KCNQ1: variants seen among roughly 807,000 people sequenced by gnomAD.
KCNQ1 encodes potassium voltage-gated channel subfamily Q member 1.
KCNQ1 carries 49 observed loss-of-function variants against 72.4 expected under a neutral mutation model. The observed-to-expected ratio is 0.68, with a 90% confidence interval of 0.54 to 0.86. The LOEUF is 0.86. KCNQ1 is among the 40% of genes least tolerant of loss of function. KCNQ1 has a pLI of 0.00. For missense variants in KCNQ1, 790 were observed against 945.1 expected, an observed-to-expected ratio of 0.84 and a Z score of 2.15; for synonymous variants, 450 against 412.6, an observed-to-expected ratio of 1.09 and a Z score of -1.10.
chr11:2,717,091 G>A (rs996730768), intron 11 of KCNQ1, among the ~76,000 whole-genome samples: 5 of 152,196 alleles, frequency 3.3e-5, no homozygotes, highest in African/African-American at 1.2e-4. Flanking sequence ...AGTGGCCGGG[G>A]CTCTGCTCAG....
At chr11:2,527,271 T>G (rs1408884025) in intron 1 of KCNQ1, among the ~76,000 whole-genome samples, 4 of 152,128 alleles carry the variant, frequency 2.6e-5, no homozygotes, top group Non-Finnish European at 4.4e-5. Flanking sequence ...GAGGCTCCTC[T>G]GGGAAGCAGA....
intron 1 of KCNQ1, among the ~76,000 whole-genome samples, chr11:2,511,237 G>A (rs1359220275): frequency 6.6e-6 from 1 of 152,260 alleles, no homozygotes; most frequent in African/African-American, 2.4e-5. Flanking sequence ...AGGAGGAGAC[G>A]TGGGGTGGGG....
chr11:2,778,361 G>A (rs1846751546), intron 15 of KCNQ1, among the ~76,000 whole-genome samples: 2 of 152,248 alleles, frequency 1.3e-5, no homozygotes, highest in Admixed American at 1.3e-4. Context: ...TGCTCTGCGA[G>A]CCTCCTGGCT....
At chr11:2,727,596 C>T (rs2283212) in intron 11 of KCNQ1, among the ~76,000 whole-genome samples, 38,526 of 152,112 alleles carry the variant, frequency 0.25, 5,562 homozygotes, top group African/African-American at 0.39. Context: ...GCAGACACCC[C>T]GGATCCGCTC....
chr11:2,833,664 G>T (rs1026230697), intron 15 of KCNQ1, among the ~76,000 whole-genome samples: 33 of 152,226 alleles, frequency 2.2e-4, no homozygotes, highest in African/African-American at 8.0e-4. Flanking sequence ...CAAAATGGAG[G>T]TTCAGAGAGG....
chr11:2,592,832 C>T lies in KCNQ1; in HGVS notation c.1393+3978C>T, dbSNP rs981451033. Among the ~76,000 whole-genome samples, 10 of 152,168 alleles carry T rather than the reference C, an allele frequency of 6.6e-5. No individual in the cohort carries two copies. The highest frequency in any genetic ancestry group is 1.9e-4 in the African/African-American group (8 of 41,442). On this transcript the variant is annotated intron_variant, in intron 10 of 15. Coordinates refer to ENST00000155840, the MANE Select transcript of KCNQ1 (RefSeq NM_000218.3). This position sits in a 1 kb window ranked among gnomAD's most constrained non-coding sequence, Gnocchi z 5.2. ...CAGCCTCCTGCCCAGAGGGTCCAAG[C>T]GGGCATGGCCATCCACATCTGCAGG...
At chr11:2,643,638 A>G (rs1272815094) in intron 10 of KCNQ1, 2 of 398,350 alleles carry the variant, frequency 5.0e-6, no homozygotes, top group Non-Finnish European at 8.8e-6. Flanking sequence ...AGTTTAATCT[A>G]TTTATATGCA....
In KCNQ1 at chr11:2,663,599, G is replaced by C. The variant is rs1335162392; in HGVS notation, c.1514+1518G>C. The C allele has an allele frequency of 2.5e-6, 1 of 398,538 alleles. No homozygotes were observed. Among genetic ancestry groups the C allele is most frequent in the Non-Finnish European group, 4.4e-6 (1 of 226,138 alleles). 24.7% of individuals were successfully genotyped at this position (398,538 alleles called of 1,614,324 possible). On this transcript the variant is annotated intron_variant, in intron 11 of 15. Coordinates refer to ENST00000155840, the MANE Select transcript of KCNQ1 (RefSeq NM_000218.3). The surrounding 1 kb of genome is among the most constrained non-coding windows in gnomAD (Gnocchi z 5.2). The stretch of plus-strand genomic sequence containing the variant: ...CCTGTTGGAGCTCTCGCTCACCTTG[G>C]TTCTCTTGGTCACGGACCAGCATCC...
intron 15 of KCNQ1, among the ~76,000 whole-genome samples, chr11:2,792,550 G>A (rs946684145): frequency 1.3e-5 from 2 of 152,238 alleles, no homozygotes; most frequent in Non-Finnish European, 2.9e-5. Flanking sequence ...AGGGTGTGCG[G>A]GCTGCCAGGA....
At chr11:2,575,436 C>T (rs988177659) in intron 6 of KCNQ1, among the ~76,000 whole-genome samples, 2 of 152,180 alleles carry the variant, frequency 1.3e-5, no homozygotes, top group African/African-American at 4.8e-5. Context: ...CTGGGGGGAG[C>T]GGCCCCTGAG....
At chr11:2,697,135 A>C in intron 11 of KCNQ1, 1 of 398,612 alleles carries the variant, frequency 2.5e-6, no homozygotes, top group Non-Finnish European at 4.4e-6. Context: ...CAGAGGCAGC[A>C]CACCATGACC....
rs957276766 is a variant in KCNQ1 at position 2,704,517 on chromosome 11, G to A, written c.1514+42436G>A. Among the ~76,000 whole-genome samples the A allele has an allele frequency of 9.9e-5, 15 of 152,242 alleles. No homozygotes were observed. The highest frequency in any genetic ancestry group is 3.6e-4 in the African/African-American group (15 of 41,462). On this transcript the variant is annotated intron_variant, in intron 11 of 15. Transcript: ENST00000155840. The surrounding 1 kb of genome is among the most constrained non-coding windows in gnomAD (Gnocchi z 4.3). ...GGGCCTTGTAGGCTGTCGTCAGAGG[G>A]GAGGCACAGTGGGGAGTCTCTAGGA...
At chr11:2,738,873 C>T (rs1564877292) in intron 11 of KCNQ1, among the ~76,000 whole-genome samples, 1 of 152,216 alleles carries the variant, frequency 6.6e-6, no homozygotes, top group African/African-American at 2.4e-5. Flanking sequence ...ACGCTGGCCC[C>T]AGGCCTGCCC....
chr11:2,583,895 C>A (rs1178687110), intron 7 of KCNQ1, among the ~76,000 whole-genome samples: 1 of 150,666 alleles, frequency 6.6e-6, no homozygotes, highest in African/African-American at 2.5e-5. Flanking sequence ...AGGGCACTTC[C>A]ACGCTGTGGC....
chr11:2,456,734 A>G (rs927577508), intron 1 of KCNQ1, among the ~76,000 whole-genome samples: 1 of 147,246 alleles, frequency 6.8e-6, no homozygotes, highest in African/African-American at 2.5e-5. Context: ...ATCCTGGCTA[A>G]CATGGTGAAA....
At chr11:2,771,971 T>C (rs1342574534) in intron 12 of KCNQ1, among the ~76,000 whole-genome samples, 1 of 152,010 alleles carries the variant, frequency 6.6e-6, no homozygotes, top group Non-Finnish European at 1.5e-5. Context: ...TCTCCACTGC[T>C]CCCTGGCCCT....
rs555757452 is a variant in KCNQ1, at chr11:2,468,691, G to A, written c.386+23207G>A. Among the ~76,000 whole-genome samples the A allele has an allele frequency of 2.0e-5, 3 of 152,288 alleles. No homozygotes were observed. Among genetic ancestry groups the A allele is most frequent in the South Asian group, 4.1e-4 (2 of 4,826 alleles). The stretch of plus-strand genomic sequence containing the variant: ...GACTCTGGCAGCCAACGCTGGTTTC[G>A]TCTGGCTTCTTTTATTCAGCGTCAT... On this transcript the variant is annotated intron_variant, in intron 1 of 15. Transcript: ENST00000155840. The surrounding 1 kb of genome is among the most constrained non-coding windows in gnomAD (Gnocchi z 5.7).
chr11:2,582,495 C>T (rs1343298799), intron 6 of KCNQ1, among the ~76,000 whole-genome samples: 1 of 152,240 alleles, frequency 6.6e-6, no homozygotes. Flanking sequence ...CCTGGGCCTG[C>T]AAGCGGTGGC....
At chr11:2,822,370 T>A (rs115635721) in intron 15 of KCNQ1, among the ~76,000 whole-genome samples, 2 of 152,066 alleles carry the variant, frequency 1.3e-5, no homozygotes, top group Non-Finnish European at 2.9e-5. Flanking sequence ...GTGGATAAGA[T>A]GGACTGGACC....
Sources: gnomAD v4.1 joint callset for allele counts (sites outside exome capture counted in the v4.1 genomes callset) on GRCh38, gnomAD v4.1.1 for gene constraint, Gnocchi (gnomAD v3.1) non-coding constraint, MANE v1.5 for transcripts, NCBI Gene and HGNC (gene_info 2026-07-23, HGNC 2026-07-21) for gene names.